Variants in PLAT observed in about 807,000 individuals in gnomAD.
The protein encoded by PLAT is tissue-type plasminogen activator.
In PLAT, 48 loss-of-function variants were observed where a neutral mutation model predicts 74.9. The ratio of observed to expected loss-of-function variants is 0.64; its 90% CI spans 0.51 to 0.82. PLAT has a LOEUF of 0.82. Among genes scored for constraint, PLAT ranks in the 40% least tolerant of loss-of-function variants. The pLI, the probability that PLAT is intolerant of heterozygous loss-of-function variation, is 0.00. For missense variants in PLAT, 673 were observed against 736.2 expected, an observed-to-expected ratio of 0.91 and a Z score of 0.99; for synonymous variants, 307 against 294.4, an observed-to-expected ratio of 1.04 and a Z score of -0.44.
At chr8:42,182,681 C>G (rs2129717989) in intron 8 of PLAT, 38 bp downstream of exon 8, 1 of 1,515,052 alleles carries the variant, frequency 6.6e-7, no homozygotes, top group South Asian at 1.2e-5. Context: ...ATCCCACGTT[C>G]TGCCAAGACC....
At chr8:42,193,053 C>G in intron 2 of PLAT, 61 bp downstream of exon 2, 2 of 1,209,998 alleles carry the variant, frequency 1.7e-6, no homozygotes, top group Middle Eastern at 4.1e-4. Flanking sequence ...ACACAGACCC[C>G]TGGAGCCTCC....
At chr8:42,201,656 T>G (rs974850242) in intron 1 of PLAT, among the ~76,000 whole-genome samples, 4 of 152,204 alleles carry the variant, frequency 2.6e-5, no homozygotes, top group Admixed American at 6.5e-5. Flanking sequence ...TACAGGGTGA[T>G]GTCTTTAATC....
intron 7 of PLAT, among the ~76,000 whole-genome samples, chr8:42,183,898 T>G (rs1284793370): frequency 6.6e-6 from 1 of 151,886 alleles, no homozygotes; most frequent in Non-Finnish European, 1.5e-5. Context: ...ATATATAAAT[T>G]TAATATATGT....
chr8:42,187,430 G>A lies in PLAT; in HGVS notation c.507C>T (p.Ile169=), dbSNP rs749630142. The change falls in exon 6 of 14, where the codon ATC becomes ATT. Residue 169 remains isoleucine, a synonymous_variant. Transcript: ENST00000220809. The part of the protein sequence containing the change: ...KPYSGRRPDA[I]RLGLGNHNYC... ...AGTTGTGGTTCCCCAGGCCCAGCCT[G>A]ATGGCGTCTGGCCTCCGCCCGCTGT... The A allele has an allele frequency of 6.3e-7, 1 of 1,598,676 alleles. No homozygotes were observed. The highest frequency in any genetic ancestry group is 1.1e-5 in the South Asian group (1 of 90,680).
At chr8:42,191,754 T>C (rs559487454) in intron 2 of PLAT, among the ~76,000 whole-genome samples, 3 of 152,210 alleles carry the variant, frequency 2.0e-5, no homozygotes, top group African/African-American at 7.2e-5. Flanking sequence ...ATTTAAACAG[T>C]TGCACAAGGT....
chr8:42,180,385 G>A lies in PLAT; in HGVS notation c.1086-7C>T. ...CAGGTGGTGGGGCGGAAACCTGGTG[G>A]AGAAACAGCCTTAGAATGCTTTTTT... On this transcript the variant is annotated splice_region_variant and splice_polypyrimidine_tract_variant and intron_variant, in intron 10 of 13. Coordinates refer to ENST00000220809, the MANE Select transcript of PLAT (RefSeq NM_000930.5). 1 of 1,614,150 alleles carries A rather than the reference G, an allele frequency of 6.2e-7. No homozygotes were observed. The highest frequency in any genetic ancestry group is 1.3e-5 in the African/African-American group (1 of 75,070).
chr8:42,201,392 C>T (rs999170813), intron 1 of PLAT, among the ~76,000 whole-genome samples: 1 of 152,222 alleles, frequency 6.6e-6, no homozygotes, highest in African/African-American at 2.4e-5. Flanking sequence ...CCTGCACCTA[C>T]TGTCATGAAC....
chr8:42,195,844 C>A (rs1018494988), intron 1 of PLAT: 2 of 152,140 alleles, frequency 1.3e-5, no homozygotes, highest in African/African-American at 4.8e-5. Flanking sequence ...AAGCAAGACC[C>A]AAGGATGGTG....
intron 1 of PLAT, among the ~76,000 whole-genome samples, chr8:42,203,306 C>T (rs1008026034): frequency 1.3e-5 from 2 of 152,184 alleles, no homozygotes; most frequent in South Asian, 2.1e-4. Flanking sequence ...AGGAGCATCG[C>T]GTGGTCACCC....
chr8:42,206,153 C>G (rs1806323407), intron 1 of PLAT, among the ~76,000 whole-genome samples: 1 of 152,196 alleles, frequency 6.6e-6, no homozygotes, highest in African/African-American at 2.4e-5. Context: ...GGGAGTCGGG[C>G]AGAGAAGGAG....
At chr8:42,206,459 G>A (rs1806341850) in intron 1 of PLAT, among the ~76,000 whole-genome samples, 1 of 152,162 alleles carries the variant, frequency 6.6e-6, no homozygotes, top group African/African-American at 2.4e-5. Flanking sequence ...AGTCACCTTT[G>A]AGGGGACTCC....
chr8:42,197,088 C>G (rs905331286), intron 1 of PLAT, among the ~76,000 whole-genome samples: 4 of 152,178 alleles, frequency 2.6e-5, no homozygotes, highest in African/African-American at 9.7e-5. Flanking sequence ...AAGGTACCCT[C>G]TCTGTTGGAT....
At chr8:42,196,326 G>A (rs928236163) in intron 1 of PLAT, among the ~76,000 whole-genome samples, 1 of 152,112 alleles carries the variant, frequency 6.6e-6, no homozygotes, top group Non-Finnish European at 1.5e-5. Flanking sequence ...TCTCTTCCTT[G>A]GCTTCCCTGG....
intron 3 of PLAT, 125 bp downstream of exon 3, chr8:42,191,247 A>G (rs1356000226): frequency 2.1e-5 from 16 of 778,050 alleles, no homozygotes. Flanking sequence ...TCATGCTGCA[A>G]TGGCACTGTC....
intron 13 of PLAT, among the ~76,000 whole-genome samples, chr8:42,177,326 G>T (rs1805013009): frequency 6.6e-6 from 1 of 152,242 alleles, no homozygotes; most frequent in African/African-American, 2.4e-5. Context: ...TACAGTTGCA[G>T]TTTCTAAGAA....
chr8:42,181,993 C>T lies in PLAT; in HGVS notation c.833G>A (p.Cys278Tyr). 1.2e-6 allele frequency: 2 copies of T among 1,611,444 alleles called. No individual in the cohort carries two copies. Among genetic ancestry groups the T allele is most frequent in the Non-Finnish European group, 1.7e-6 (2 of 1,177,490 alleles). ...CAGCCTGCGGTTCTTCAGCACGTGG[C>T]ACCAGGGCTTGGCATCCCCATCAGG... ...RNPDGDAKPW[C>Y]HVLKNRRLTW... Residue 278 changes from cysteine (C) to tyrosine (Y), a missense_variant, in exon 9 of 14, where the codon TGC (cysteine) becomes TAC (tyrosine). Physicochemically the swap from Cys to Tyr is radical, Grantham distance 194 (BLOSUM62 -2). Coordinates refer to ENST00000220809, the MANE Select transcript of PLAT (RefSeq NM_000930.5).
intron 12 of PLAT, among the ~76,000 whole-genome samples, chr8:42,179,615 A>G (rs8178787): frequency 2.6e-5 from 4 of 152,186 alleles, no homozygotes; most frequent in African/African-American, 7.2e-5. Flanking sequence ...GGGATTTGAA[A>G]TCGGGTCTTT....
chr8:42,196,622 A>T (rs946780350), intron 1 of PLAT, among the ~76,000 whole-genome samples: 1 of 152,230 alleles, frequency 6.6e-6, no homozygotes, highest in Non-Finnish European at 1.5e-5. Context: ...AAGCCAGAAC[A>T]ATGGACTCAG....
chr8:42,184,971 C>T lies in PLAT; in HGVS notation c.631+110G>A. 5.9e-6 allele frequency: 4 copies of T among 674,158 alleles called. No individual in the cohort carries two copies. The East Asian group carries it at 1.1e-4, about 19-fold the overall frequency. The allele number at this position is 674,158 out of a possible 1,614,324, so 41.8% of individuals were successfully genotyped here. A position where few individuals can be genotyped will look rare whatever the true frequency, so the allele number is the denominator to read the frequency against. ...TTCCCTCTGCAACCAAAATGACTCA[C>T]TCCTGGCCTCCCCCTTTCTCCCCTC... On this transcript the variant is annotated intron_variant, in intron 7 of 13. Coordinates refer to ENST00000220809, the MANE Select transcript of PLAT (RefSeq NM_000930.5).
Sources: allele counts gnomAD v4.1 joint callset (sites outside exome capture counted in the v4.1 genomes callset), GRCh38; gene constraint gnomAD v4.1.1; transcripts MANE v1.5; gene names NCBI Gene and HGNC (gene_info 2026-07-23, HGNC 2026-07-21).